Variants in LRRC4B observed in about 807,000 individuals in gnomAD.
LRRC4B encodes the protein leucine rich repeat containing 4B.
In LRRC4B, 1 loss-of-function variant was observed where a neutral mutation model predicts 7.3. The observed-to-expected ratio is 0.14, with a 90% confidence interval of 0.05 to 0.65. The LOEUF (loss-of-function observed/expected upper bound fraction) is 0.65. LRRC4B is among the 30% of genes least tolerant of loss of function. LRRC4B has a pLI of 0.84. For synonymous variants in LRRC4B, 500 were observed against 499.2 expected, an observed-to-expected ratio of 1.00 and a Z score of -0.02; for missense variants, 730 against 1,041.6, an observed-to-expected ratio of 0.70 and a Z score of 4.12.
intron 1 of LRRC4B, among the ~76,000 whole-genome samples, chr19:50,560,136 AAATAAC>A (rs1202747027): frequency 1.3e-5 from 2 of 152,172 alleles, no homozygotes; most frequent in Non-Finnish European, 2.9e-5. Flanking sequence ...TTCTGTCTCA[AAATAAC>A]AATAACAATA....
Position 50,548,839 on chromosome 19 carries a change from C to T in LRRC4B, c.-1G>A, listed in dbSNP as rs1981933468. ...ACGGGGAGCCGCGGGCACGCGCCAT[C>T]CTCAATGTTCATGCTCCGCGTGGAC... On this transcript the variant is annotated 5_prime_UTR_variant, in exon 2 of 3. Transcript: ENST00000652263. The surrounding 1 kb of genome is among the most constrained non-coding windows in gnomAD (Gnocchi z 6.8). The T allele has an allele frequency of 6.8e-7, 1 of 1,468,850 alleles. No individual in the cohort carries two copies. The highest frequency in any genetic ancestry group is 2.4e-5 in the Admixed American group (1 of 41,584). The allele number at this position is 1,468,850 out of a possible 1,614,324, so 91.0% of individuals were successfully genotyped here.
In LRRC4B at chr19:50,517,397, G is replaced by A; in HGVS notation, c.*174C>T. The A allele has an allele frequency of 2.1e-6, 1 of 478,570 alleles. No individual in the cohort carries two copies. Among genetic ancestry groups the A allele is most frequent in the Non-Finnish European group, 3.4e-6 (1 of 297,072 alleles). The allele number at this position is 478,570 out of a possible 1,614,324, so 29.6% of individuals were successfully genotyped here. A position where few individuals can be genotyped will look rare whatever the true frequency, so the allele number is the denominator to read the frequency against. ...GACTCCGCTCCTGGAGCCCCACCCT[G>A]TCCTTACTGGGGGTCCGAGCCCCAG... On this transcript the variant is annotated 3_prime_UTR_variant, in exon 3 of 3. Transcript: ENST00000652263. The surrounding 1 kb of genome is among the most constrained non-coding windows in gnomAD (Gnocchi z 6.6).
rs997015585 is a variant in LRRC4B, at chr19:50,556,415, C to G, written c.-35-7542G>C. ...TCTTCCCATCCACACCAGACCCGTT[C>G]CCCTGAGGGGACTTTGCCCCTGCTG... On this transcript the variant is annotated intron_variant, in intron 1 of 2. Coordinates refer to ENST00000652263, the MANE Select transcript of LRRC4B (RefSeq NM_001080457.2). This position sits in a 1 kb window ranked among gnomAD's most constrained non-coding sequence, Gnocchi z 4.2. Among the ~76,000 whole-genome samples the G allele has an allele frequency of 4.6e-5, 7 of 152,164 alleles. No homozygotes were observed. The highest frequency in any genetic ancestry group is 4.6e-4 in the Admixed American group (7 of 15,284).
At chr19:50,566,948 A>G (rs1982648546) in intron 1 of LRRC4B, among the ~76,000 whole-genome samples, 2 of 149,062 alleles carry the variant, frequency 1.3e-5, no homozygotes, top group South Asian at 2.2e-4. Context: ...AGGGAGTGGG[A>G]GGAGGGAGCT....
rs1450303451 is a variant in LRRC4B, at chr19:50,555,265, C to T, written c.-35-6392G>A. ...CGGCACTTGCCAAAGGTTACACAGC[C>T]CTCCAGCAGCACAGCCGGCATTGGA... On this transcript the variant is annotated intron_variant, in intron 1 of 2. Transcript: ENST00000652263. This position sits in a 1 kb window ranked among gnomAD's most constrained non-coding sequence, Gnocchi z 5.2. 6.6e-6 allele frequency: 1 copy of T among 152,496 alleles called. No homozygotes were observed. Among genetic ancestry groups the T allele is most frequent in the Admixed American group, 6.5e-5 (1 of 15,278 alleles). 9.4% of individuals were successfully genotyped at this position (152,496 alleles called of 1,614,324 possible).
intron 1 of LRRC4B, among the ~76,000 whole-genome samples, chr19:50,554,942 T>C (rs1421038254): frequency 1.3e-5 from 2 of 152,144 alleles, no homozygotes; most frequent in Non-Finnish European, 2.9e-5. Flanking sequence ...AGGCTGCCTG[T>C]GTGTGGGGGG....
At chr19:50,524,089 T>G (rs1323015443) in intron 2 of LRRC4B, among the ~76,000 whole-genome samples, 1 of 152,106 alleles carries the variant, frequency 6.6e-6, no homozygotes, top group East Asian at 1.9e-4. Flanking sequence ...ACTTTTACAG[T>G]AAGCAGGAAT....
chr19:50,521,773 T>C (rs767999349), intron 2 of LRRC4B, among the ~76,000 whole-genome samples: 12 of 151,692 alleles, frequency 7.9e-5, no homozygotes, highest in Non-Finnish European at 1.6e-4. Flanking sequence ...TTGGCCAGAC[T>C]GTTCTTGAAC....
chr19:50,545,408 C>CAAA (rs58857784), intron 2 of LRRC4B, among the ~76,000 whole-genome samples: 8 of 78,704 alleles, frequency 1.0e-4, no homozygotes, highest in Admixed American at 1.5e-4. Context: ...AACTCCATCT[C>CAAA]AAAAAAAAAA....
chr19:50,521,701 C>T (rs2122774163), intron 2 of LRRC4B, among the ~76,000 whole-genome samples: 1 of 149,156 alleles, frequency 6.7e-6, no homozygotes, highest in East Asian at 2.1e-4. Flanking sequence ...GCTGGGATTA[C>T]AGGCGTGAGC....
intron 1 of LRRC4B, among the ~76,000 whole-genome samples, chr19:50,567,530 C>T (rs1050680806): frequency 1.1e-4 from 16 of 151,160 alleles, no homozygotes; most frequent in Admixed American, 9.9e-4. Context: ...CAAGCAGCAG[C>T]GGTGTGGAGG....
chr19:50,528,695 T>A (rs982674884), intron 2 of LRRC4B, among the ~76,000 whole-genome samples: 1 of 152,040 alleles, frequency 6.6e-6, no homozygotes, highest in Non-Finnish European at 1.5e-5. Context: ...AGAGTGAACA[T>A]GGCTAGCTTT....
At chr19:50,522,814 C>T (rs918759302) in intron 2 of LRRC4B, among the ~76,000 whole-genome samples, 2 of 152,342 alleles carry the variant, frequency 1.3e-5, no homozygotes, top group South Asian at 4.1e-4. Flanking sequence ...CCACTCGTGA[C>T]TATCCAAACA....
chr19:50,519,231 C>T lies in LRRC4B; in HGVS notation c.482G>A (p.Arg161Gln). The change falls in exon 3 of 3, where the codon CGG becomes CAG. Residue 161 changes from arginine to glutamine, a missense_variant. Arg to Gln is a conservative substitution (Grantham distance 43). This residue lies in a region of LRRC4B where 226 missense variants were observed against 448.0 expected (regional missense o/e 0.50). Transcript: ENST00000652263. This position sits in a 1 kb window ranked among gnomAD's most constrained non-coding sequence, Gnocchi z 8.1. ...GGGGTTGTTCCGCAGCCAGAGCTCCCGCAGCTTGGACAGGTACTCGAAGGC... is the reference window on the plus strand; with the variant it reads ...GGGGTTGTTCCGCAGCCAGAGCTCCTGCAGCTTGGACAGGTACTCGAAGGC... ...TQAFEYLSKL[R>Q]ELWLRNNPIE... is the part of the protein sequence containing the mutation. 1 of 1,614,094 alleles carries T rather than the reference C, an allele frequency of 6.2e-7. No individual in the cohort carries two copies. Among genetic ancestry groups the T allele is most frequent in the Non-Finnish European group, 8.5e-7 (1 of 1,180,034 alleles).
intron 2 of LRRC4B, among the ~76,000 whole-genome samples, chr19:50,541,027 C>CA (rs1568727077): frequency 6.6e-6 from 1 of 151,262 alleles, no homozygotes; most frequent in East Asian, 2.0e-4. Context: ...ACTAAAAATA[C>CA]AAAAAAAGTA....
intron 2 of LRRC4B, among the ~76,000 whole-genome samples, chr19:50,540,896 TGCACCG>T (rs757393392): frequency 4.9e-4 from 74 of 151,452 alleles, no homozygotes; most frequent in Admixed American, 9.2e-4. Context: ...AGAAATAAAG[TGCACCG>T]GCCGGGCGTG....
In LRRC4B at chr19:50,548,535, C is replaced by A; in HGVS notation, c.297+7G>T. On this transcript the variant is annotated splice_region_variant and intron_variant, in intron 2 of 2. Transcript: ENST00000652263. This position sits in a 1 kb window ranked among gnomAD's most constrained non-coding sequence, Gnocchi z 6.8. ...AAGGTCCCCCTCTGCCCGCTGGCCCCGCATACCTGGATGCCGTTCTCTTGC... is the reference window on the plus strand; with the variant it reads ...AAGGTCCCCCTCTGCCCGCTGGCCCAGCATACCTGGATGCCGTTCTCTTGC... The A allele has an allele frequency of 6.3e-7, 1 of 1,589,500 alleles. No individual in the cohort carries two copies.
chr19:50,543,080 G>A (rs1272236260), intron 2 of LRRC4B, among the ~76,000 whole-genome samples: 1 of 152,160 alleles, frequency 6.6e-6, no homozygotes, highest in African/African-American at 2.4e-5. Context: ...ATGGCTGCAG[G>A]CCTCTGCCAA....
chr19:50,540,445 C>A lies in LRRC4B; in HGVS notation c.297+8097G>T, dbSNP rs571017341. Among the ~76,000 whole-genome samples the A allele has an allele frequency of 2.6e-5, 4 of 152,274 alleles. No homozygotes were observed. The South Asian group carries it at 8.3e-4, about 32-fold the overall frequency. ...TGGCACGATCTCAGCACACTACAAC[C>A]TCCGCCTCTCGGGTTCAAGTGATTC... On this transcript the variant is annotated intron_variant, in intron 2 of 2. Coordinates refer to ENST00000652263, the MANE Select transcript of LRRC4B (RefSeq NM_001080457.2).
Sources: allele counts gnomAD v4.1 joint callset (sites outside exome capture counted in the v4.1 genomes callset), GRCh38; gene constraint gnomAD v4.1.1; regional missense constraint gnomAD v4.1.1; non-coding constraint Gnocchi (gnomAD v3.1); transcripts MANE v1.5; gene names NCBI Gene and HGNC (gene_info 2026-07-23, HGNC 2026-07-21).